Variants in TRABD2B observed in about 807,000 individuals in gnomAD.
TRABD2B encodes metalloprotease TIKI2.
TRABD2B carries 14 observed loss-of-function variants against 40.1 expected under a neutral mutation model. The ratio of observed to expected loss-of-function variants is 0.35; its 90% CI spans 0.23 to 0.55. The LOEUF (loss-of-function observed/expected upper bound fraction) is 0.55. Among genes scored for constraint, TRABD2B ranks in the 20% least tolerant of loss-of-function variants. The probability of loss-of-function intolerance (pLI) is 0.90; values close to 1 mark genes in which losing one functional copy is unlikely to be tolerated. For missense variants in TRABD2B, 541 were observed against 648.6 expected, an observed-to-expected ratio of 0.83 and a Z score of 1.80; for synonymous variants, 263 against 277.0, an observed-to-expected ratio of 0.95 and a Z score of 0.50.
chr1:47,926,915 C>T (rs1002890637), intron 2 of TRABD2B, among the ~76,000 whole-genome samples: 1 of 152,154 alleles, frequency 6.6e-6, no homozygotes, highest in Admixed American at 6.5e-5. Flanking sequence ...AGTATACATC[C>T]TAGTTCCCAG....
intron 2 of TRABD2B, among the ~76,000 whole-genome samples, chr1:47,977,098 A>G (rs533942151): frequency 6.9e-6 from 1 of 145,698 alleles, no homozygotes; most frequent in African/African-American, 2.6e-5. Context: ...CGCGAGACAG[A>G]GTCTTGCTCT....
At chr1:47,816,802 A>G (rs1052664168) in intron 2 of TRABD2B, among the ~76,000 whole-genome samples, 2 of 152,212 alleles carry the variant, frequency 1.3e-5, no homozygotes, top group Admixed American at 6.5e-5. Flanking sequence ...ATTTCATTCA[A>G]ATCCTGCCAA....
intron 2 of TRABD2B, among the ~76,000 whole-genome samples, chr1:47,952,178 G>C (rs1295057265): frequency 6.6e-6 from 1 of 152,200 alleles, no homozygotes; most frequent in East Asian, 1.9e-4. Flanking sequence ...CCTACAGTCT[G>C]AGGCCCCCTC....
intron 1 of TRABD2B, among the ~76,000 whole-genome samples, chr1:47,995,002 C>T (rs1419493589): frequency 6.6e-6 from 1 of 152,160 alleles, no homozygotes; most frequent in Non-Finnish European, 1.5e-5. Context: ...TGCCACACCA[C>T]CTGAGAATAT....
At chr1:47,904,752 C>CT (rs1644652979) in intron 2 of TRABD2B, among the ~76,000 whole-genome samples, 1 of 152,234 alleles carries the variant, frequency 6.6e-6, no homozygotes, top group Non-Finnish European at 1.5e-5. Context: ...CTCTATCACA[C>CT]TTGCCTCCAT....
intron 2 of TRABD2B, among the ~76,000 whole-genome samples, chr1:47,837,719 C>T (rs1474693694): frequency 6.6e-6 from 1 of 152,144 alleles, no homozygotes; most frequent in African/African-American, 2.4e-5. Flanking sequence ...AAATGATTCC[C>T]GAGGGCAATT....
intron 2 of TRABD2B, among the ~76,000 whole-genome samples, chr1:47,823,227 G>A (rs1645134177): frequency 6.6e-6 from 1 of 152,276 alleles, no homozygotes; most frequent in African/African-American, 2.4e-5. Flanking sequence ...GCAGACGGCA[G>A]AAAGTCTGCC....
intron 3 of TRABD2B, among the ~76,000 whole-genome samples, chr1:47,795,110 A>T (rs924917989): frequency 6.6e-6 from 1 of 152,218 alleles, no homozygotes; most frequent in Non-Finnish European, 1.5e-5. Context: ...ACTTAGGATA[A>T]GTATGCACAG....
At position 47,765,626 on chromosome 1, in the gene TRABD2B, A is replaced by G. The variant is rs1644292119; in HGVS notation, c.*276T>C. ...GCTAGGGGGTTATAACACAGGCCAC[A>G]TAAGAATAGTTTTATCGGTAGAATA... On this transcript the variant is annotated 3_prime_UTR_variant, in exon 7 of 7. Transcript: ENST00000606738. 6 of 517,402 alleles carry G rather than the reference A, an allele frequency of 1.2e-5. No homozygotes were observed. The highest frequency in any genetic ancestry group is 1.1e-3 in the Middle Eastern group (2 of 1,882). 32.1% of individuals were successfully genotyped at this position (517,402 alleles called of 1,614,324 possible).
At chr1:47,978,964 C>T (rs1220768275) in intron 2 of TRABD2B, among the ~76,000 whole-genome samples, 4 of 152,134 alleles carry the variant, frequency 2.6e-5, no homozygotes, top group Non-Finnish European at 5.9e-5. Context: ...AAGCAGCTCC[C>T]ACCCACAGGG....
chr1:47,925,075 C>T (rs1220175877), intron 2 of TRABD2B, among the ~76,000 whole-genome samples: 1 of 152,090 alleles, frequency 6.6e-6, no homozygotes, highest in Non-Finnish European at 1.5e-5. Context: ...CTGATCAAGC[C>T]TTTTTGAAAC....
rs7519438 is a variant in TRABD2B, at chr1:47,918,499, T to C, written c.666+75535A>G. Among the ~76,000 whole-genome samples, 1,132 of 152,294 alleles carry C rather than the reference T, an allele frequency of 7.4e-3. 21 individuals are homozygous for C. The highest frequency in any genetic ancestry group is 0.026 in the African/African-American group (1,096 of 41,562). On this transcript the variant is annotated intron_variant, in intron 2 of 6. Transcript: ENST00000606738. ...CGCAGCACGGCAGAATCTGAATCCA[T>C]GTCTATCTGATTCCAAACACAGTGG... is the stretch of plus-strand genomic sequence containing the variant.
In TRABD2B at chr1:47,775,179, A is replaced by C; in HGVS notation, c.1340T>G (p.Ile447Ser). Residue 447 changes from isoleucine to serine, a missense_variant, in exon 6 of 7, where the codon ATC becomes AGC. Physicochemically the swap from Ile to Ser is moderately radical, Grantham distance 142 (BLOSUM62 -2). Transcript: ENST00000606738. ...GCCCTCCCTGGCTCACCTGTCCTCG[A>C]TGCGGACCCAGAGGTCATTGAACTG... Reference protein sequence around the residue: ...PRQFNDLWVRIEDSTTASPPP... With the variant: ...PRQFNDLWVRSEDSTTASPPP... 1 of 1,235,722 alleles carries C rather than the reference A, an allele frequency of 8.1e-7. No individual in the cohort carries two copies. The highest frequency in any genetic ancestry group is 1.0e-6 in the Non-Finnish European group (1 of 989,364). 76.5% of individuals were successfully genotyped at this position (1,235,722 alleles called of 1,614,324 possible). A position where few individuals can be genotyped will look rare whatever the true frequency, so the allele number is the denominator to read the frequency against.
At chr1:47,801,753 T>C (rs1644826672) in intron 2 of TRABD2B, 134 bp from the exon 3 acceptor site, 1 of 1,123,860 alleles carries the variant, frequency 8.9e-7, no homozygotes, top group Non-Finnish European at 1.2e-6. Context: ...TGGCACCAGC[T>C]GGCTCAGGCT....
intron 2 of TRABD2B, among the ~76,000 whole-genome samples, chr1:47,938,341 T>C (rs1473433156): frequency 2.0e-5 from 3 of 152,236 alleles, no homozygotes; most frequent in Non-Finnish European, 4.4e-5. Context: ...GTTATTTTAG[T>C]CCCAGCTCTA....
intron 6 of TRABD2B, among the ~76,000 whole-genome samples, chr1:47,771,101 C>T (rs1644371998): frequency 6.6e-6 from 1 of 152,190 alleles, no homozygotes; most frequent in Non-Finnish European, 1.5e-5. Flanking sequence ...TCTTCTGCCT[C>T]TAATCTGATG....
intron 2 of TRABD2B, among the ~76,000 whole-genome samples, chr1:47,949,449 C>A (rs577860070): frequency 6.8e-6 from 1 of 147,154 alleles, no homozygotes; most frequent in East Asian, 2.0e-4. Context: ...ACTCTGTCAC[C>A]CAGACTGGAG....
At chr1:47,938,703 G>C (rs967773899) in intron 2 of TRABD2B, among the ~76,000 whole-genome samples, 1 of 152,138 alleles carries the variant, frequency 6.6e-6, no homozygotes, top group Non-Finnish European at 1.5e-5. Flanking sequence ...TGTCTAAAAC[G>C]ATGGTGTTGG....
chr1:47,837,057 T>C (rs1176710963), intron 2 of TRABD2B, among the ~76,000 whole-genome samples: 2 of 152,244 alleles, frequency 1.3e-5, no homozygotes, highest in African/African-American at 4.8e-5. Flanking sequence ...GTTTGTTCAC[T>C]GAACTGAAAT....
Sources: gnomAD v4.1 joint callset for allele counts (sites outside exome capture counted in the v4.1 genomes callset) on GRCh38, gnomAD v4.1.1 for gene constraint, MANE v1.5 for transcripts, NCBI Gene and HGNC (gene_info 2026-07-23, HGNC 2026-07-21) for gene names.